The following TAFA2 variants were observed in gnomAD, a reference collection of about 807,000 sequenced individuals.
TAFA2 encodes chemokine-like protein TAFA-2.
Under a neutral mutation model 18.8 loss-of-function variants are expected in TAFA2, and 7 were observed. The ratio of observed to expected loss-of-function variants is 0.37; its 90% CI spans 0.21 to 0.70. TAFA2 has a LOEUF of 0.70. Among genes scored for constraint, TAFA2 ranks in the 30% least tolerant of loss-of-function variants. The probability of loss-of-function intolerance (pLI) is 0.53; values close to 1 mark genes in which losing one functional copy is unlikely to be tolerated. For missense variants in TAFA2, 122 were observed against 158.1 expected (o/e 0.77, Z 1.23); for synonymous variants, 60 against 54.2 (o/e 1.11, Z -0.47).
intron 1 of TAFA2, among the ~76,000 whole-genome samples, chr12:62,001,973 T>A (rs898379239): frequency 6.6e-6 from 1 of 152,092 alleles, no homozygotes; most frequent in Non-Finnish European, 1.5e-5. Flanking sequence ...AAAACAATGT[T>A]ACCAAAAAAC....
At chr12:62,258,864 G>A (rs1291634636), upstream of TAFA2, 2 of 216,744 alleles carry the variant, frequency 9.2e-6, no homozygotes, top group South Asian at 4.0e-5. Flanking sequence ...GGGAAAATGT[G>A]ACTTTTAGAG....
chr12:61,751,445 G>A (rs1303620583), intron 4 of TAFA2, among the ~76,000 whole-genome samples: 1 of 152,032 alleles, frequency 6.6e-6, no homozygotes, highest in Non-Finnish European at 1.5e-5. Context: ...TACTCAAGAA[G>A]CTCCTTCTTT....
intron 2 of TAFA2, among the ~76,000 whole-genome samples, chr12:61,795,300 A>T (rs1283036986): frequency 6.6e-6 from 1 of 152,204 alleles, no homozygotes; most frequent in Non-Finnish European, 1.5e-5. Context: ...TTGCGGCACT[A>T]TTCACAATAG....
chr12:62,088,615 A>T (rs1207014068), intron 1 of TAFA2, among the ~76,000 whole-genome samples: 2 of 62,920 alleles, frequency 3.2e-5, no homozygotes, highest in African/African-American at 1.6e-4. Flanking sequence ...GGACCACATT[A>T]AAAAAAAAAA....
At chr12:61,960,786 A>C (rs1319478922) in intron 1 of TAFA2, among the ~76,000 whole-genome samples, 1 of 151,678 alleles carries the variant, frequency 6.6e-6, no homozygotes, top group Non-Finnish European at 1.5e-5. Context: ...AAAAAAAAAA[A>C]AAATCTTCTT....
At chr12:62,115,127 A>G (rs1465011342) in intron 1 of TAFA2, among the ~76,000 whole-genome samples, 1 of 149,630 alleles carries the variant, frequency 6.7e-6, no homozygotes, top group African/African-American at 2.4e-5. Flanking sequence ...TTCCATTTTA[A>G]TTTTAATTCT....
At chr12:62,015,302 T>A (rs1173825582) in intron 1 of TAFA2, among the ~76,000 whole-genome samples, 1 of 152,186 alleles carries the variant, frequency 6.6e-6, no homozygotes, top group Admixed American at 6.5e-5. Flanking sequence ...AGCCAGCATC[T>A]AAAACATAAC....
chr12:61,985,695 C>A (rs1879788332), intron 1 of TAFA2, among the ~76,000 whole-genome samples: 1 of 152,174 alleles, frequency 6.6e-6, no homozygotes, highest in Admixed American at 6.5e-5. Flanking sequence ...TAACATCTTT[C>A]TCTTTCTGTT....
intron 1 of TAFA2, among the ~76,000 whole-genome samples, chr12:62,008,201 G>A (rs1166276149): frequency 6.6e-6 from 1 of 152,026 alleles, no homozygotes; most frequent in East Asian, 1.9e-4. Flanking sequence ...TTGATTGGAT[G>A]TTTAAATAAT....
chr12:61,751,999 G>A (rs576611884), intron 4 of TAFA2, among the ~76,000 whole-genome samples: 2 of 151,944 alleles, frequency 1.3e-5, no homozygotes, highest in Non-Finnish European at 2.9e-5. Context: ...TATTGCTTAA[G>A]AATAAGTTAA....
intron 2 of TAFA2, among the ~76,000 whole-genome samples, chr12:61,859,394 G>A (rs747664523): frequency 1.3e-4 from 20 of 152,182 alleles, no homozygotes; most frequent in Admixed American, 3.3e-4. Flanking sequence ...ATGTTTGGGT[G>A]GGGACACAGA....
intron 2 of TAFA2, among the ~76,000 whole-genome samples, chr12:61,859,700 C>A (rs1054404989): frequency 3.3e-5 from 5 of 152,126 alleles, no homozygotes; most frequent in Non-Finnish European, 7.3e-5. Context: ...CCTCGGTCTC[C>A]CAAAGTGCTG....
chr12:62,217,967 T>C (rs971474667), intron 1 of TAFA2, among the ~76,000 whole-genome samples: 5 of 34,698 alleles, frequency 1.4e-4, no homozygotes, highest in African/African-American at 3.2e-4. Context: ...TTTATGTATG[T>C]ATTTATTTAT....
intron 1 of TAFA2, among the ~76,000 whole-genome samples, chr12:61,893,071 A>C (rs545776613): frequency 6.6e-6 from 1 of 152,230 alleles, no homozygotes; most frequent in Non-Finnish European, 1.5e-5. Context: ...GAACAGAGGA[A>C]AAAAGAGGTA....
chr12:62,045,147 G>A (rs752685645), intron 1 of TAFA2, among the ~76,000 whole-genome samples: 53 of 152,180 alleles, frequency 3.5e-4, no homozygotes, highest in African/African-American at 9.4e-4. Flanking sequence ...AGCCTAGGTC[G>A]TACAGAAAAA....
intron 1 of TAFA2, among the ~76,000 whole-genome samples, chr12:62,226,442 C>T (rs2062787067): frequency 6.6e-6 from 1 of 152,158 alleles, no homozygotes; most frequent in Non-Finnish European, 1.5e-5. Context: ...CACGATCCAC[C>T]CTCCTCGGCC....
chr12:62,178,516 T>C (rs1215382320), intron 1 of TAFA2, among the ~76,000 whole-genome samples: 1 of 152,192 alleles, frequency 6.6e-6, no homozygotes, highest in East Asian at 1.9e-4. Flanking sequence ...CAAGTTAGTC[T>C]ACCATATTTC....
Position 61,991,336 on chromosome 12 carries a change from A to C in TAFA2, c.-1-123910T>G, listed in dbSNP as rs73312213. Among the ~76,000 whole-genome samples the C allele has an allele frequency of 3.4e-3, 511 of 152,324 alleles. 3 individuals are homozygous for C. Among genetic ancestry groups the C allele is most frequent in the African/African-American group, 0.011 (477 of 41,570 alleles). ...ATGCAGATACTTTTCTTTTACATTT[A>C]AGGGGGTTATTAGAAATAATGATGC... On this transcript the variant is annotated intron_variant, in intron 1 of 4. Coordinates refer to ENST00000416284, the MANE Select transcript of TAFA2 (RefSeq NM_178539.5).
rs144240645 is a variant in TAFA2 at position 61,769,787 on chromosome 12, G to A, written c.107-14763C>T. On this transcript the variant is annotated intron_variant, in intron 2 of 4. Transcript: ENST00000416284. ...TCCCTCTGACAGTCTATCCAAATGA[G>A]AAGAAATCAGAAAAACAGTTCTGAA... is the stretch of plus-strand genomic sequence containing the variant. Among the ~76,000 whole-genome samples the A allele has an allele frequency of 8.7e-3, 1,316 of 152,116 alleles. 14 individuals carry two copies. The highest frequency in any genetic ancestry group is 0.012 in the Non-Finnish European group (814 of 67,984).
Sources: gnomAD v4.1 joint callset for allele counts (sites outside exome capture counted in the v4.1 genomes callset) on GRCh38, gnomAD v4.1.1 for gene constraint, MANE v1.5 for transcripts, NCBI Gene and HGNC (gene_info 2026-07-23, HGNC 2026-07-21) for gene names.